Variants in ATG7 observed in about 807,000 individuals in gnomAD.
The protein encoded by ATG7 is ubiquitin-like modifier-activating enzyme ATG7.
In ATG7, 70 loss-of-function variants were observed where a neutral mutation model predicts 82.4. The ratio of observed to expected loss-of-function variants is 0.85; its 90% confidence interval spans 0.70 to 1.04. The LOEUF is 1.04. Ranked by LOEUF, ATG7 falls within the 50% of genes least tolerant of loss-of-function variation. The pLI, the probability that ATG7 is intolerant of heterozygous loss-of-function variation, is 0.00. For synonymous variants in ATG7, 287 were observed against 313.0 expected (o/e 0.92, Z 0.88); for missense variants, 792 against 864.3 (o/e 0.92, Z 1.05).
At chr3:11,411,047 A>G (rs1011629051) in intron 19 of ATG7, among the ~76,000 whole-genome samples, 8 of 152,176 alleles carry the variant, frequency 5.3e-5, no homozygotes, top group Non-Finnish European at 1.0e-4. Context: ...GCAGCATGTT[A>G]CATTCCAATC....
intron 18 of ATG7, among the ~76,000 whole-genome samples, chr3:11,366,971 C>CTCTG (rs1553630793): frequency 7.2e-6 from 1 of 139,694 alleles, no homozygotes; most frequent in Non-Finnish European, 1.5e-5. Flanking sequence ...ATGGGAAAAG[C>CTCTG]TGTGTGTGTG....
intron 20 of ATG7, among the ~76,000 whole-genome samples, chr3:11,429,632 G>T (rs138014414): frequency 6.6e-6 from 1 of 151,910 alleles, no homozygotes; most frequent in Admixed American, 6.6e-5. Flanking sequence ...TAATGCACTT[G>T]ATATAAAATT....
chr3:11,392,599 C>G (rs2078909864), intron 19 of ATG7, among the ~76,000 whole-genome samples: 1 of 152,164 alleles, frequency 6.6e-6, no homozygotes, highest in Non-Finnish European at 1.5e-5. Context: ...AAGGCTGTCT[C>G]TGTAGCTTCC....
intron 1 of ATG7, among the ~76,000 whole-genome samples, chr3:11,275,453 A>G (rs1941537643): frequency 6.9e-6 from 1 of 144,140 alleles, no homozygotes; most frequent in Non-Finnish European, 1.5e-5. Flanking sequence ...GGTTCACTCC[A>G]TACTCCTGCC....
At chr3:11,288,336 T>G (rs1281628666) in intron 3 of ATG7, among the ~76,000 whole-genome samples, 1 of 152,228 alleles carries the variant, frequency 6.6e-6, no homozygotes, top group African/African-American at 2.4e-5. Flanking sequence ...AAAAGAGAGC[T>G]ATTATTTCAT....
At chr3:11,453,148 C>T (rs1216018435) in intron 20 of ATG7, among the ~76,000 whole-genome samples, 2 of 152,108 alleles carry the variant, frequency 1.3e-5, no homozygotes, top group African/African-American at 2.4e-5. Context: ...AGGGAATGTC[C>T]AGTTCAATGT....
intron 20 of ATG7, among the ~76,000 whole-genome samples, chr3:11,485,637 A>G (rs559968958): frequency 6.6e-6 from 1 of 152,292 alleles, no homozygotes; most frequent in South Asian, 2.1e-4. Context: ...CCTGAATGGT[A>G]ATGCCTAGGT....
At chr3:11,380,633 C>T (rs192787608) in intron 19 of ATG7, among the ~76,000 whole-genome samples, 14 of 152,298 alleles carry the variant, frequency 9.2e-5, no homozygotes, top group Admixed American at 2.6e-4. Flanking sequence ...AATAGGCTTT[C>T]GGATACCATC....
chr3:11,427,126 G>A (rs1205492921), intron 20 of ATG7, among the ~76,000 whole-genome samples, 200 bp downstream of exon 20: 1 of 152,204 alleles, frequency 6.6e-6, no homozygotes, highest in Non-Finnish European at 1.5e-5. Context: ...TTGCTGTCCA[G>A]TAGGTGCCTA....
intron 20 of ATG7, chr3:11,477,365 C>A: frequency 9.4e-7 from 1 of 1,067,392 alleles, no homozygotes; most frequent in Non-Finnish European, 1.2e-6. Flanking sequence ...ATGTAAGTTT[C>A]TCCATGTGCT....
chr3:11,518,837 A>G (rs1307198689), intron 20 of ATG7, among the ~76,000 whole-genome samples: 2 of 152,246 alleles, frequency 1.3e-5, no homozygotes, highest in Non-Finnish European at 2.9e-5. Flanking sequence ...TTCTGAAAGT[A>G]TTGAATTCAA....
downstream of ATG7, chr3:11,558,375 T>TA: frequency 9.7e-7 from 1 of 1,027,304 alleles, no homozygotes; most frequent in Non-Finnish European, 1.4e-6. Flanking sequence ...AGGGCCCCCT[T>TA]GTACGGATAC....
chr3:11,290,962 G>A (rs111405275), intron 3 of ATG7, among the ~76,000 whole-genome samples: 2,978 of 152,216 alleles, frequency 0.02, 103 homozygotes, highest in East Asian at 0.07. Flanking sequence ...GATTACAGGC[G>A]TGAGTCACTT....
chr3:11,478,989 A>AACACACACAC (rs71628717), intron 20 of ATG7, among the ~76,000 whole-genome samples: 51 of 72,812 alleles, frequency 7.0e-4, no homozygotes, highest in Non-Finnish European at 7.3e-4. Context: ...GTATATTTAC[A>AACACACACAC]ACACACACAC....
intron 19 of ATG7, among the ~76,000 whole-genome samples, chr3:11,419,594 T>C (rs1236367757): frequency 2.0e-5 from 3 of 152,124 alleles, no homozygotes; most frequent in African/African-American, 7.2e-5. Context: ...CCCATTTTGC[T>C]TCTCATGAAT....
intron 17 of ATG7, 22 bp from the exon 18 acceptor site, chr3:11,364,635 GCT>G (rs771398037): frequency 1.2e-5 from 20 of 1,612,590 alleles, no homozygotes; most frequent in African/African-American, 2.7e-5. Flanking sequence ...TAAATGAGCA[GCT>G]CTGATTGTTT....
chr3:11,555,075 G>A lies in ATG7; in HGVS notation c.*232G>A. ...TAACCTTGGCCTTGGCCTTGCTATT[G>A]ACCTGGGACTTGGTCCTCCATGCAG... On this transcript the variant is annotated 3_prime_UTR_variant, in exon 21 of 21. Transcript: ENST00000693202. The A allele has an allele frequency of 1.8e-6, 1 of 541,364 alleles. No homozygotes were observed. Among genetic ancestry groups the A allele is most frequent in the Non-Finnish European group, 3.2e-6 (1 of 310,174 alleles). The allele number at this position is 541,364 out of a possible 1,614,324, so 33.5% of individuals were successfully genotyped here. A position where few individuals can be genotyped will look rare whatever the true frequency, so the allele number is the denominator to read the frequency against.
At chr3:11,328,441 A>G (rs1951176574) in intron 9 of ATG7, among the ~76,000 whole-genome samples, 1 of 152,224 alleles carries the variant, frequency 6.6e-6, no homozygotes, top group Non-Finnish European at 1.5e-5. Flanking sequence ...GACCATATCT[A>G]TGAACCTGTT....
rs565616829 is a variant in ATG7, at chr3:11,503,101, C to G, written c.2080-51710C>G. On this transcript the variant is annotated intron_variant, in intron 20 of 20. Coordinates refer to ENST00000693202, the MANE Select transcript of ATG7 (RefSeq NM_001349232.2). ...TGGTCAGGCTCAAATACCTTCCAGG[C>G]AGGAGAGTGGGCAGTCCTTCTCCAG... is the stretch of plus-strand genomic sequence containing the variant. Among the ~76,000 whole-genome samples, 45 of 152,282 alleles carry G rather than the reference C, an allele frequency of 3.0e-4. No homozygotes were observed. In the South Asian group the frequency reaches 8.7e-3, roughly 29 times the overall value.
Sources: allele counts gnomAD v4.1 joint callset (sites outside exome capture counted in the v4.1 genomes callset), GRCh38; gene constraint gnomAD v4.1.1; transcripts MANE v1.5; gene names NCBI Gene and HGNC (gene_info 2026-07-23, HGNC 2026-07-21).